Variants in TMTC2 observed in about 807,000 individuals in gnomAD.
The protein encoded by TMTC2 is protein O-mannosyl-transferase TMTC2.
A neutral mutation model predicts 82.4 loss-of-function variants in TMTC2; 43 were observed. The ratio of observed to expected loss-of-function variants is 0.52; its 90% CI spans 0.41 to 0.67. TMTC2 has a LOEUF of 0.67. Ranked by LOEUF, TMTC2 falls within the 30% of genes least tolerant of loss-of-function variation. TMTC2 has a pLI of 0.00. For missense variants in TMTC2, 919 were observed against 1,012.4 expected, an observed-to-expected ratio of 0.91 and a Z score of 1.25; for synonymous variants, 408 against 381.9, an observed-to-expected ratio of 1.07 and a Z score of -0.80.
intron 4 of TMTC2, among the ~76,000 whole-genome samples, chr12:82,957,371 T>C (rs1877670863): frequency 6.6e-6 from 1 of 152,138 alleles, no homozygotes; most frequent in Non-Finnish European, 1.5e-5. Flanking sequence ...GTCTCTGGGA[T>C]ACAGCAAAAG....
At chr12:82,738,890 G>A (rs955932969) in intron 1 of TMTC2, among the ~76,000 whole-genome samples, 1 of 152,122 alleles carries the variant, frequency 6.6e-6, no homozygotes, top group Non-Finnish European at 1.5e-5. Context: ...GCTCACGTTT[G>A]TAATCCCAGC....
At chr12:82,965,273 A>G (rs1252213347) in intron 5 of TMTC2, among the ~76,000 whole-genome samples, 164 bp downstream of exon 5, 3 of 152,060 alleles carry the variant, frequency 2.0e-5, no homozygotes, top group South Asian at 2.1e-4. Flanking sequence ...ATCATACTTT[A>G]ATGTCCATTG....
chr12:82,792,806 A>G (rs1034284552), intron 1 of TMTC2, among the ~76,000 whole-genome samples: 2 of 151,922 alleles, frequency 1.3e-5, no homozygotes, highest in African/African-American at 4.8e-5. Context: ...TTCACATGAT[A>G]CAGATTCTGG....
intron 2 of TMTC2, among the ~76,000 whole-genome samples, chr12:82,859,069 T>A (rs958153654): frequency 1.5e-5 from 2 of 134,676 alleles, no homozygotes; most frequent in African/African-American, 6.5e-5. Flanking sequence ...ATATTGTGAT[T>A]TTTTTTTTTT....
chr12:82,926,326 A>G lies in TMTC2; in HGVS notation c.1484-4105A>G, dbSNP rs980247183. Among the ~76,000 whole-genome samples the G allele has an allele frequency of 2.0e-5, 3 of 152,208 alleles. No individual in the cohort carries two copies. The South Asian group carries it at 6.2e-4, about 32-fold the overall frequency. ...GATAAAACATCAAACCAGCCATAAC[A>G]TTCCATTAGGCCAAAACCTAACCCA... is the stretch of plus-strand genomic sequence containing the variant. On this transcript the variant is annotated intron_variant, in intron 3 of 11. Coordinates refer to ENST00000321196, the MANE Select transcript of TMTC2 (RefSeq NM_152588.3).
At chr12:82,771,197 ACT>A (rs1339749556) in intron 1 of TMTC2, among the ~76,000 whole-genome samples, 4 of 138,826 alleles carry the variant, frequency 2.9e-5, no homozygotes, top group African/African-American at 8.5e-5. Flanking sequence ...ACAGAGCAAG[ACT>A]CTGTCTCAAA....
At chr12:82,787,863 C>T (rs1286029334) in intron 1 of TMTC2, among the ~76,000 whole-genome samples, 1 of 151,856 alleles carries the variant, frequency 6.6e-6, no homozygotes, top group Non-Finnish European at 1.5e-5. Flanking sequence ...GTGAGCCAAG[C>T]TATCACGCCA....
chr12:82,862,165 C>G (rs2137122419), intron 2 of TMTC2, among the ~76,000 whole-genome samples: 1 of 152,256 alleles, frequency 6.6e-6, no homozygotes, highest in East Asian at 1.9e-4. Flanking sequence ...GGGAAAAGCC[C>G]TTGAAATACA....
chr12:82,728,774 G>A (rs767970778), intron 1 of TMTC2, among the ~76,000 whole-genome samples: 5 of 152,240 alleles, frequency 3.3e-5, no homozygotes, highest in Non-Finnish European at 5.9e-5. Flanking sequence ...TGTGGAGGCA[G>A]AGGCGTGGGC....
chr12:83,074,653 C>G (rs1465076390), intron 11 of TMTC2, among the ~76,000 whole-genome samples: 1 of 151,956 alleles, frequency 6.6e-6, no homozygotes, highest in African/African-American at 2.4e-5. Context: ...CACCCAGGTC[C>G]CATACAAACC....
chr12:82,947,282 T>A (rs1275782831), intron 4 of TMTC2, among the ~76,000 whole-genome samples: 1 of 152,058 alleles, frequency 6.6e-6, no homozygotes. Flanking sequence ...GGCTGCAAAG[T>A]GTGTACTCAG....
chr12:82,968,712 A>T (rs1328965437), intron 7 of TMTC2, among the ~76,000 whole-genome samples: 1 of 152,150 alleles, frequency 6.6e-6, no homozygotes, highest in Non-Finnish European at 1.5e-5. Context: ...TATGTGAATA[A>T]ATTTGAAAAT....
At chr12:82,719,085 ATTT>A (rs71068944) in intron 1 of TMTC2, among the ~76,000 whole-genome samples, 7 of 41,412 alleles carry the variant, frequency 1.7e-4, no homozygotes, top group South Asian at 1.3e-3. Context: ...ATATATATAT[ATTT>A]TTTTTTTTTT....
chr12:83,130,348 T>C (rs918703376), intron 11 of TMTC2, among the ~76,000 whole-genome samples: 1 of 152,142 alleles, frequency 6.6e-6, no homozygotes, highest in African/African-American at 2.4e-5. Context: ...GAGTAGGTGG[T>C]GGTATTTTCA....
intron 8 of TMTC2, among the ~76,000 whole-genome samples, chr12:82,987,177 G>A (rs888415113): frequency 4.6e-5 from 7 of 151,796 alleles, no homozygotes; most frequent in Non-Finnish European, 5.9e-5. Context: ...ATCATGTAAC[G>A]CTTTAGGGGG....
intron 4 of TMTC2, among the ~76,000 whole-genome samples, chr12:82,931,378 T>A (rs1156239760): frequency 6.6e-6 from 1 of 152,288 alleles, no homozygotes; most frequent in South Asian, 2.1e-4. Context: ...TAGTTTAGAA[T>A]GTTCTTGTAT....
chr12:82,775,506 G>C (rs546596885), intron 1 of TMTC2, among the ~76,000 whole-genome samples: 2 of 152,122 alleles, frequency 1.3e-5, no homozygotes, highest in East Asian at 3.9e-4. Flanking sequence ...TCAGGAATCA[G>C]GAGTGACGTG....
chr12:82,862,035 G>A (rs181386375), intron 2 of TMTC2, among the ~76,000 whole-genome samples: 10 of 152,268 alleles, frequency 6.6e-5, no homozygotes, highest in African/African-American at 1.4e-4. Flanking sequence ...GGTCTGGAAG[G>A]TAGGGTTGGA....
At chr12:82,837,637 T>C (rs1391631393) in intron 1 of TMTC2, among the ~76,000 whole-genome samples, 1 of 152,208 alleles carries the variant, frequency 6.6e-6, no homozygotes, top group African/African-American at 2.4e-5. Flanking sequence ...GAAAAGTCAA[T>C]AAATGCAGAC....
Sources: allele counts gnomAD v4.1 joint callset (sites outside exome capture counted in the v4.1 genomes callset), GRCh38; gene constraint gnomAD v4.1.1; transcripts MANE v1.5; gene names NCBI Gene and HGNC (gene_info 2026-07-23, HGNC 2026-07-21).